RASA3: variants seen among roughly 807,000 people sequenced by gnomAD.
RASA3 encodes the protein RAS p21 protein activator 3, also known as ras GTPase-activating protein 3.
A neutral mutation model predicts 110.0 loss-of-function variants in RASA3; 73 were observed. That is an observed-to-expected ratio of 0.66 (90% CI 0.55 to 0.81). The LOEUF is 0.81. RASA3 is among the 30% of genes least tolerant of loss of function. The probability of loss-of-function intolerance (pLI) is 0.00; values close to 1 mark genes in which losing one functional copy is unlikely to be tolerated. For synonymous variants in RASA3, 500 were observed against 451.4 expected (o/e 1.11, Z -1.37); for missense variants, 976 against 1,113.2 (o/e 0.88, Z 1.75).
chr13:113,982,809 A>C (rs1033685787), intron 22 of RASA3, among the ~76,000 whole-genome samples: 2 of 152,212 alleles, frequency 1.3e-5, no homozygotes, highest in Admixed American at 6.5e-5. Context: ...GAAGACACCA[A>C]GGAAGCTGGC....
intron 7 of RASA3, among the ~76,000 whole-genome samples, chr13:114,027,172 T>G (rs1232314596): frequency 6.6e-6 from 1 of 152,020 alleles, no homozygotes; most frequent in Non-Finnish European, 1.5e-5. Context: ...TCCCCAGGGC[T>G]GGCTGGCTGG....
At chr13:114,116,701 C>G (rs1370486416) in intron 1 of RASA3, among the ~76,000 whole-genome samples, 1 of 152,194 alleles carries the variant, frequency 6.6e-6, no homozygotes, top group African/African-American at 2.4e-5. Context: ...ATGGAGCCTG[C>G]AGGTTTGGAG....
intron 19 of RASA3, 39 bp from the exon 20 acceptor site, chr13:113,999,706 C>G: frequency 6.6e-7 from 1 of 1,525,832 alleles, no homozygotes; most frequent in Non-Finnish European, 8.9e-7. Context: ...GCGGGCCCCG[C>G]TGTCCCGGCT....
At position 114,066,909 on chromosome 13, in the gene RASA3, C is replaced by T. The variant is rs577530286; in HGVS notation, c.173+6811G>A. On this transcript the variant is annotated intron_variant, in intron 2 of 23. Transcript: ENST00000334062. ...CTCTGGGGCTGAGGATGGGCCCCCA[C>T]CTGGGCTGAGGATGGGCCCAACCTG... Among the ~76,000 whole-genome samples, 9 of 146,336 alleles carry T rather than the reference C, an allele frequency of 6.2e-5. No homozygotes were observed. In the South Asian group the frequency reaches 2.0e-3, roughly 32 times the overall value.
Position 114,041,107 on chromosome 13 carries a change from C to A in RASA3, c.278-13G>T, listed in dbSNP as rs201202685. On this transcript the variant is annotated splice_polypyrimidine_tract_variant and intron_variant, in intron 3 of 23. Coordinates refer to ENST00000334062, the MANE Select transcript of RASA3 (RefSeq NM_007368.4). Reference sequence around the variant, plus strand: ...ATGGCCACCTTCCCTGCAACACAAGCAGAGAAGACTTCACCACGGGCACAG... The same window carrying A: ...ATGGCCACCTTCCCTGCAACACAAGAAGAGAAGACTTCACCACGGGCACAG... 1.2e-6 allele frequency: 2 copies of A among 1,612,478 alleles called. No homozygotes were observed. The highest frequency in any genetic ancestry group is 2.7e-5 in the African/African-American group (2 of 75,038).
chr13:114,020,480 GAC>G (rs1451724090), intron 9 of RASA3, among the ~76,000 whole-genome samples: 1 of 152,226 alleles, frequency 6.6e-6, no homozygotes, highest in African/African-American at 2.4e-5. Context: ...AGAATCAAAA[GAC>G]ACGCGTGTTT....
rs2079262963 is a variant in RASA3 at position 114,057,338 on chromosome 13, C to T, written c.174-5183G>A. On this transcript the variant is annotated intron_variant, in intron 2 of 23. Coordinates refer to ENST00000334062, the MANE Select transcript of RASA3 (RefSeq NM_007368.4). This position sits in a 1 kb window ranked among gnomAD's most constrained non-coding sequence, Gnocchi z 5.0. ...AGCTCTGAGCCACCAACCACTGTGA[C>T]CAAGCTTCATTCCCACGAGCTGGAC... The T allele has an allele frequency of 8.1e-6, 8 of 985,380 alleles. No homozygotes were observed. The highest frequency in any genetic ancestry group is 8.4e-6 in the Non-Finnish European group (7 of 829,934). The allele number at this position is 985,380 out of a possible 1,614,324, so 61.0% of individuals were successfully genotyped here. A position where few individuals can be genotyped will look rare whatever the true frequency, so the allele number is the denominator to read the frequency against.
chr13:114,037,841 T>A (rs909534220), intron 4 of RASA3, among the ~76,000 whole-genome samples: 1 of 152,054 alleles, frequency 6.6e-6, no homozygotes, highest in African/African-American at 2.4e-5. Context: ...TGGCAGTGCC[T>A]GGGGAAGCCG....
chr13:114,068,691 T>A (rs916670627), intron 2 of RASA3, among the ~76,000 whole-genome samples: 1 of 152,182 alleles, frequency 6.6e-6, no homozygotes, highest in Non-Finnish European at 1.5e-5. Context: ...CCTTTTAGTT[T>A]AAGTAAATAA....
In RASA3 at chr13:114,004,369, A is replaced by C. The variant is rs2053468107; in HGVS notation, c.1742+3164T>G. The stretch of plus-strand genomic sequence containing the variant: ...TTAGAAGGAACTCAAACAACTTAAC[A>C]AAAAAAATAAAAATTAAAAAAAAAT... On this transcript the variant is annotated intron_variant, in intron 18 of 23. Coordinates refer to ENST00000334062, the MANE Select transcript of RASA3 (RefSeq NM_007368.4). Among the ~76,000 whole-genome samples the C allele has an allele frequency of 2.0e-5, 3 of 152,016 alleles. No individual in the cohort carries two copies. In the South Asian group the frequency reaches 6.2e-4, roughly 31 times the overall value.
chr13:114,036,423 G>T (rs1415908097), intron 4 of RASA3, among the ~76,000 whole-genome samples: 1 of 152,252 alleles, frequency 6.6e-6, no homozygotes, highest in Non-Finnish European at 1.5e-5. Flanking sequence ...GAATCACAGA[G>T]CGGAGGGACT....
chr13:114,005,467 C>T (rs2053494096), intron 18 of RASA3, among the ~76,000 whole-genome samples: 1 of 152,084 alleles, frequency 6.6e-6, no homozygotes, highest in East Asian at 1.9e-4. Context: ...ACAGACGTCC[C>T]CCTCCAAGGT....
chr13:114,043,333 C>T (rs1382076090), intron 3 of RASA3, among the ~76,000 whole-genome samples: 1 of 152,214 alleles, frequency 6.6e-6, no homozygotes, highest in Non-Finnish European at 1.5e-5. Flanking sequence ...GTGCTGCTGA[C>T]ACCTGCCATG....
intron 1 of RASA3, among the ~76,000 whole-genome samples, chr13:114,078,601 G>A (rs2079730973): frequency 6.6e-6 from 1 of 152,188 alleles, no homozygotes; most frequent in South Asian, 2.1e-4. Context: ...TCAACTAACA[G>A]GAGTAAAAGG....
chr13:114,120,864 A>G (rs1194864571), intron 1 of RASA3, among the ~76,000 whole-genome samples: 4 of 152,230 alleles, frequency 2.6e-5, no homozygotes, highest in African/African-American at 9.6e-5. Context: ...ATGTTTGTCC[A>G]CCGTTTTCTT....
Position 114,004,397 on chromosome 13 carries a change from AAAAGTGGCC to A in RASA3, c.1742+3127_1742+3135del, listed in dbSNP as rs566451902. ...AAAAATAAAAATTAAAAAAAAATTT[AAAAGTGGCC>A]AAAGGACAGGGGGATAGACGTTTTT... On this transcript the variant is annotated intron_variant, in intron 18 of 23. Coordinates refer to ENST00000334062, the MANE Select transcript of RASA3 (RefSeq NM_007368.4). 1.8e-3 allele frequency among the ~76,000 whole-genome samples: 271 copies of A among 152,288 alleles called. 1 individual carries two copies. Among genetic ancestry groups the A allele is most frequent in the Non-Finnish European group, 2.7e-3 (185 of 68,034 alleles).
rs2080254502 is a variant in RASA3 at position 114,114,492 on chromosome 13, A to C, written c.55+17943T>G. 6.6e-6 allele frequency among the ~76,000 whole-genome samples: 1 copy of C among 152,230 alleles called. No homozygotes were observed. Among genetic ancestry groups the C allele is most frequent in the African/African-American group, 2.4e-5 (1 of 41,466 alleles). ...TTTCCTAGCTCTGTCAGCCAAAGTGAGGTCTGACCACAAAAGCTACCCATT... is the reference window on the plus strand; with the variant it reads ...TTTCCTAGCTCTGTCAGCCAAAGTGCGGTCTGACCACAAAAGCTACCCATT... On this transcript the variant is annotated intron_variant, in intron 1 of 23. Transcript: ENST00000334062. The surrounding 1 kb of genome is among the most constrained non-coding windows in gnomAD (Gnocchi z 4.8).
chr13:114,123,405 C>T lies in RASA3; in HGVS notation c.55+9030G>A, dbSNP rs143960956. Among the ~76,000 whole-genome samples, 725 of 152,312 alleles carry T rather than the reference C, an allele frequency of 4.8e-3. 3 individuals carry two copies. Among genetic ancestry groups the T allele is most frequent in the African/African-American group, 0.017 (694 of 41,566 alleles). On this transcript the variant is annotated intron_variant, in intron 1 of 23. Coordinates refer to ENST00000334062, the MANE Select transcript of RASA3 (RefSeq NM_007368.4). Reference sequence around the variant, plus strand: ...GCTAAAGAGAAGATTTAGGGGTGCACGCAAGGGCCCTCAGGTACTCTGTGC... The same window carrying T: ...GCTAAAGAGAAGATTTAGGGGTGCATGCAAGGGCCCTCAGGTACTCTGTGC...
chr13:114,071,790 G>A (rs1363502111), intron 2 of RASA3, among the ~76,000 whole-genome samples: 2 of 152,194 alleles, frequency 1.3e-5, no homozygotes, highest in Non-Finnish European at 2.9e-5. Flanking sequence ...AGTGATATGA[G>A]CCCCAGTCTC....
Sources: allele counts gnomAD v4.1 joint callset (sites outside exome capture counted in the v4.1 genomes callset), GRCh38; gene constraint gnomAD v4.1.1; non-coding constraint Gnocchi (gnomAD v3.1); transcripts MANE v1.5; gene names NCBI Gene and HGNC (gene_info 2026-07-23, HGNC 2026-07-21).